The following COL4A3 variants were observed in gnomAD, a reference collection of about 807,000 sequenced individuals.
COL4A3 encodes collagen alpha-3(IV) chain.
A neutral mutation model predicts 217.4 loss-of-function variants in COL4A3; 135 were observed. That is an observed-to-expected ratio of 0.62 (90% confidence interval 0.54 to 0.72). COL4A3 has a LOEUF of 0.72. Ranked by LOEUF, COL4A3 falls within the 30% of genes least tolerant of loss-of-function variation. The probability of loss-of-function intolerance (pLI) is 0.00; values close to 1 mark genes in which losing one functional copy is unlikely to be tolerated. For synonymous variants in COL4A3, 690 were observed against 736.3 expected, an observed-to-expected ratio of 0.94 and a Z score of 1.02; for missense variants, 1,868 against 2,119.9, an observed-to-expected ratio of 0.88 and a Z score of 2.33.
At chr2:227,291,102 A>C (rs1219393165) in intron 37 of COL4A3, 2 of 544,836 alleles carry the variant, frequency 3.7e-6, no homozygotes, top group Non-Finnish European at 6.5e-6. Flanking sequence ...GTCACCAAGG[A>C]ATTTCTCACA....
chr2:227,233,064 A>T (rs1160360254), intron 1 of COL4A3, among the ~76,000 whole-genome samples: 1 of 152,086 alleles, frequency 6.6e-6, no homozygotes, highest in Non-Finnish European at 1.5e-5. Flanking sequence ...CCCAGGCTGG[A>T]GTGCAGTGGC....
intron 39 of COL4A3, 47 bp from the exon 40 acceptor site, chr2:227,294,917 T>C: frequency 7.0e-7 from 1 of 1,427,178 alleles, no homozygotes; most frequent in South Asian, 1.2e-5. Flanking sequence ...AATCCTCTTT[T>C]TGTATACCAT....
intron 29 of COL4A3, 56 bp downstream of exon 29, chr2:227,279,946 A>G (rs2071847815): frequency 8.6e-7 from 1 of 1,157,136 alleles, no homozygotes; most frequent in Admixed American, 2.0e-5. Context: ...TTAACTGGCC[A>G]GTTTGTATGC....
At chr2:227,229,581 G>C (rs968745200) in intron 1 of COL4A3, among the ~76,000 whole-genome samples, 15 of 152,180 alleles carry the variant, frequency 9.9e-5, no homozygotes, top group African/African-American at 3.6e-4. Context: ...CAATAGTTGT[G>C]GATGTCCTTT....
In COL4A3 at chr2:227,203,519, A is replaced by G. The variant is rs1422906415; in HGVS notation, c.88-34449A>G. On this transcript the variant is annotated intron_variant, in intron 1 of 51. Coordinates refer to ENST00000396578, the MANE Select transcript of COL4A3 (RefSeq NM_000091.5). The stretch of plus-strand genomic sequence containing the variant: ...TGTGTATATATACATATATGTGTGT[A>G]TATATGTGTATATATACATATATGT... Among the ~76,000 whole-genome samples, 24 of 37,372 alleles carry G rather than the reference A, an allele frequency of 6.4e-4. 6 individuals are homozygous for G. The highest frequency in any genetic ancestry group is 1.2e-3 in the South Asian group (1 of 854). The allele number at this position is 37,372 out of a possible 152,430, so 24.5% of individuals were successfully genotyped here.
At chr2:227,235,877 G>C (rs572991906) in intron 1 of COL4A3, among the ~76,000 whole-genome samples, 1 of 148,446 alleles carries the variant, frequency 6.7e-6, no homozygotes, top group Non-Finnish European at 1.5e-5. Context: ...AGGTTCAAGC[G>C]ATTCACCTGC....
rs993347333 is a variant in COL4A3 at position 227,312,674 on chromosome 2, A to G, written c.*804A>G. 6.6e-6 allele frequency: 1 copy of G among 152,652 alleles called. No individual in the cohort carries two copies. Among genetic ancestry groups the G allele is most frequent in the African/African-American group, 2.4e-5 (1 of 41,466 alleles). The allele number at this position is 152,652 out of a possible 1,614,324, so 9.5% of individuals were successfully genotyped here. A position where few individuals can be genotyped will look rare whatever the true frequency, so the allele number is the denominator to read the frequency against. On this transcript the variant is annotated 3_prime_UTR_variant, in exon 52 of 52. Transcript: ENST00000396578. ...TATATACATACTATGAAATATGTATAACTTTAACTTCTGTTTTACCAGCAT... is the reference window on the plus strand; with the variant it reads ...TATATACATACTATGAAATATGTATGACTTTAACTTCTGTTTTACCAGCAT...
chr2:227,284,972 C>A (rs2072222510), intron 34 of COL4A3, among the ~76,000 whole-genome samples: 1 of 152,012 alleles, frequency 6.6e-6, no homozygotes, highest in Admixed American at 6.6e-5. Flanking sequence ...CAATATAAAA[C>A]CAAATTTTCA....
intron 1 of COL4A3, among the ~76,000 whole-genome samples, chr2:227,177,407 G>A (rs1028556605): frequency 7.9e-5 from 12 of 151,708 alleles, no homozygotes; most frequent in African/African-American, 1.9e-4. Flanking sequence ...CGCCCGCCTC[G>A]GCCTCCCAAA....
At chr2:227,237,327 A>G (rs1451508938) in intron 1 of COL4A3, among the ~76,000 whole-genome samples, 4 of 152,196 alleles carry the variant, frequency 2.6e-5, no homozygotes, top group Non-Finnish European at 4.4e-5. Context: ...AAACCTTAAT[A>G]TCACCTATGG....
intron 1 of COL4A3, among the ~76,000 whole-genome samples, chr2:227,235,935 G>GACTC (rs917265135): frequency 6.6e-6 from 1 of 151,940 alleles, no homozygotes; most frequent in African/African-American, 2.4e-5. Flanking sequence ...CACCACATCT[G>GACTC]ACTAATTTTT....
intron 1 of COL4A3, among the ~76,000 whole-genome samples, chr2:227,216,431 C>T (rs961911700): frequency 1.9e-4 from 29 of 152,070 alleles, no homozygotes; most frequent in Admixed American, 1.3e-3. Flanking sequence ...CAGACCTTAC[C>T]GCATCTCTTT....
intron 46 of COL4A3, 101 bp from the exon 47 acceptor site, chr2:227,304,884 T>G: frequency 1.0e-6 from 1 of 972,468 alleles, no homozygotes; most frequent in South Asian, 1.4e-5. Context: ...TGCAGGACTT[T>G]CATTCCTGAA....
intron 1 of COL4A3, among the ~76,000 whole-genome samples, chr2:227,212,070 C>CA (rs1205608592): frequency 6.6e-5 from 10 of 152,278 alleles, no homozygotes; most frequent in African/African-American, 2.4e-4. Flanking sequence ...TTTCTGAATA[C>CA]TCATGACATT....
Position 227,261,068 on chromosome 2 carries a change from T to G in COL4A3, c.1115-14T>G, listed in dbSNP as rs1453029318. The G allele has an allele frequency of 5.0e-6, 8 of 1,606,600 alleles. No homozygotes were observed. The highest frequency in any genetic ancestry group is 6.8e-6 in the Non-Finnish European group (8 of 1,173,308). On this transcript the variant is annotated splice_polypyrimidine_tract_variant and intron_variant, in intron 19 of 51. Transcript: ENST00000396578. ...TATCTTTCTAAGCAATTAATTAATG[T>G]TATATATTCCCAGGTCCCAGTGGTC...
intron 34 of COL4A3, among the ~76,000 whole-genome samples, chr2:227,288,765 T>A (rs61318128): frequency 6.6e-6 from 1 of 152,222 alleles, no homozygotes; most frequent in Non-Finnish European, 1.5e-5. Flanking sequence ...GGCACTGTGC[T>A]AATGCTTGAC....
intron 1 of COL4A3, among the ~76,000 whole-genome samples, chr2:227,213,204 G>A (rs2067392765): frequency 6.6e-6 from 1 of 152,096 alleles, no homozygotes; most frequent in South Asian, 2.1e-4. Context: ...AACATAAACT[G>A]GAATTAATTA....
intron 1 of COL4A3, among the ~76,000 whole-genome samples, chr2:227,177,315 A>G (rs62277815): frequency 2.7e-5 from 4 of 149,218 alleles, no homozygotes; most frequent in Middle Eastern, 3.4e-3. Flanking sequence ...ACTCCCGGCT[A>G]ATTTTTTTTT....
At chr2:227,180,307 A>G (rs553473038) in intron 1 of COL4A3, among the ~76,000 whole-genome samples, 1 of 152,358 alleles carries the variant, frequency 6.6e-6, no homozygotes, top group African/African-American at 2.4e-5. Flanking sequence ...TGTCCCACGC[A>G]GGTGCCAGTG....
Sources: gnomAD v4.1 joint callset for allele counts (sites outside exome capture counted in the v4.1 genomes callset) on GRCh38, gnomAD v4.1.1 for gene constraint, MANE v1.5 for transcripts, NCBI Gene and HGNC (gene_info 2026-07-23, HGNC 2026-07-21) for gene names.